Variants in NDST3 observed in about 807,000 individuals in gnomAD.
NDST3 encodes the protein bifunctional heparan sulfate N-deacetylase/N-sulfotransferase 3.
In NDST3, 58 loss-of-function variants were observed where a neutral mutation model predicts 96.1. The observed-to-expected ratio is 0.60, with a 90% CI of 0.49 to 0.75. The LOEUF is 0.75. Ranked by LOEUF, NDST3 falls within the 30% of genes least tolerant of loss-of-function variation. NDST3 has a pLI of 0.00. For synonymous variants in NDST3, 333 were observed against 359.7 expected (o/e 0.93, Z 0.84); for missense variants, 788 against 1,034.2 (o/e 0.76, Z 3.27).
At chr4:118,065,569 GTT>G (rs1034747450) in intron 2 of NDST3, among the ~76,000 whole-genome samples, 1 of 152,058 alleles carries the variant, frequency 6.6e-6, no homozygotes, top group Non-Finnish European at 1.5e-5. Flanking sequence ...ACTAGAGACT[GTT>G]TTGAAAGCCA....
intron 4 of NDST3, among the ~76,000 whole-genome samples, chr4:118,127,928 A>T (rs1325043823): frequency 6.6e-6 from 1 of 151,840 alleles, no homozygotes; most frequent in Non-Finnish European, 1.5e-5. Flanking sequence ...ATTCCTAGGT[A>T]GTTAATTTTA....
At chr4:118,088,964 A>G (rs1728653225) in intron 2 of NDST3, among the ~76,000 whole-genome samples, 1 of 151,922 alleles carries the variant, frequency 6.6e-6, no homozygotes, top group Non-Finnish European at 1.5e-5. Flanking sequence ...CTACTCAATT[A>G]AAGCAATTGA....
At chr4:118,105,164 TGC>T in intron 3 of NDST3, 59 bp downstream of exon 3, 1 of 1,327,688 alleles carries the variant, frequency 7.5e-7, no homozygotes, top group Non-Finnish European at 1.1e-6. Context: ...TATTTAAAAT[TGC>T]ACACTTTTCC....
chr4:118,181,665 T>C (rs1177799805), intron 6 of NDST3, among the ~76,000 whole-genome samples: 1 of 152,158 alleles, frequency 6.6e-6, no homozygotes, highest in African/African-American at 2.4e-5. Context: ...AATTATCAGA[T>C]TTCGGCTGGG....
At chr4:118,090,259 G>A (rs1016653211) in intron 2 of NDST3, among the ~76,000 whole-genome samples, 15 of 151,952 alleles carry the variant, frequency 9.9e-5, no homozygotes, top group Non-Finnish European at 2.1e-4. Context: ...TTCACAAAGA[G>A]GTGAATATCA....
chr4:118,109,383 A>C (rs2125857270), intron 3 of NDST3, among the ~76,000 whole-genome samples: 1 of 152,306 alleles, frequency 6.6e-6, no homozygotes, highest in South Asian at 2.1e-4. Context: ...GAAATACAAG[A>C]AAACACTCCT....
rs758805401 is a variant in NDST3 at position 118,054,247 on chromosome 4, G to T, written c.337G>T (p.Gly113Ter). 1.2e-6 allele frequency: 2 copies of T among 1,612,506 alleles called. No homozygotes were observed. The highest frequency in any genetic ancestry group is 1.7e-6 in the Non-Finnish European group (2 of 1,179,328). The change falls in exon 2 of 14, where the codon GGA (glycine) becomes TGA (stop). Residue 113 changes from glycine (G) to a stop codon, truncating the protein, a stop_gained. Transcript: ENST00000296499. LOFTEE classifies it high-confidence loss of function. ...RFQYHIEIAP[G>*]KGDLPVLIDK... is the part of the protein sequence containing the mutation. ...CCAGTATCACATTGAAATTGCCCCTGGAAAGGGAGATCTCCCAGTGCTTAT... is the reference window on the plus strand; with the variant it reads ...CCAGTATCACATTGAAATTGCCCCTTGAAAGGGAGATCTCCCAGTGCTTAT...
intron 6 of NDST3, among the ~76,000 whole-genome samples, chr4:118,160,597 T>G (rs537744045): frequency 5.7e-4 from 87 of 152,294 alleles, no homozygotes; most frequent in African/African-American, 2.1e-3. Flanking sequence ...TAGAAAAATG[T>G]AAATCGCTTC....
intron 6 of NDST3, among the ~76,000 whole-genome samples, chr4:118,164,175 A>C (rs1735391824): frequency 6.6e-6 from 1 of 152,204 alleles, no homozygotes; most frequent in Non-Finnish European, 1.5e-5. Context: ...AAAGAACAAA[A>C]TCACATCCTT....
chr4:118,112,564 A>G (rs2125861757), intron 3 of NDST3, among the ~76,000 whole-genome samples: 1 of 152,376 alleles, frequency 6.6e-6, no homozygotes, highest in Non-Finnish European at 1.5e-5. Context: ...TGGAGACTAC[A>G]AAATGTTAAG....
Position 118,143,691 on chromosome 4 carries a change from A to ACTTTAT in NDST3, c.1539+8_1539+13dup, listed in dbSNP as rs1733731856. On this transcript the variant is annotated splice_region_variant and intron_variant, in intron 6 of 13. Transcript: ENST00000296499. ...CACTGTCGTCCTCAACCCTGTAAGTACTTTATTCTCCAAATAAATAGTGAA... is the reference window on the plus strand; with the variant it reads ...CACTGTCGTCCTCAACCCTGTAAGTACTTTATCTTTATTCTCCAAATAAATAGTGAA... The ACTTTAT allele has an allele frequency of 6.4e-7, 1 of 1,573,986 alleles. No individual in the cohort carries two copies. Among genetic ancestry groups the ACTTTAT allele is most frequent in the Admixed American group, 2.1e-5 (1 of 48,006 alleles).
intron 6 of NDST3, among the ~76,000 whole-genome samples, chr4:118,170,023 G>A (rs2125936073): frequency 6.6e-6 from 1 of 152,248 alleles, no homozygotes; most frequent in Admixed American, 6.5e-5. Context: ...GCTCCATCAA[G>A]TGTTGCAGCA....
intron 6 of NDST3, among the ~76,000 whole-genome samples, chr4:118,218,707 G>A (rs779963334): frequency 1.3e-5 from 2 of 152,070 alleles, no homozygotes; most frequent in Non-Finnish European, 2.9e-5. Context: ...TCAGCCAATA[G>A]AAAGAAATAA....
intron 2 of NDST3, among the ~76,000 whole-genome samples, chr4:118,092,086 A>G (rs1162516531): frequency 7.0e-5 from 5 of 71,352 alleles, no homozygotes; most frequent in African/African-American, 1.8e-4. Context: ...ATTATATTTT[A>G]AGTTCTAGGG....
intron 6 of NDST3, among the ~76,000 whole-genome samples, chr4:118,195,570 C>A (rs1324656943): frequency 1.3e-5 from 2 of 152,186 alleles, no homozygotes; most frequent in Non-Finnish European, 2.9e-5. Context: ...TTATTAGCTG[C>A]ATGAGAACAG....
At chr4:118,082,450 T>C (rs1251671267) in intron 2 of NDST3, among the ~76,000 whole-genome samples, 1 of 152,046 alleles carries the variant, frequency 6.6e-6, no homozygotes, top group Non-Finnish European at 1.5e-5. Flanking sequence ...ATGTGAAGAG[T>C]GCCAGATGAT....
intron 6 of NDST3, among the ~76,000 whole-genome samples, chr4:118,198,799 C>A (rs1253100849): frequency 2.0e-5 from 3 of 151,124 alleles, no homozygotes; most frequent in Non-Finnish European, 4.4e-5. Flanking sequence ...ATTTTTTCTT[C>A]ATTCTTGAAG....
rs368398509 is a variant in NDST3, at chr4:118,054,801, G to A, written c.891G>A (p.Leu297=). 8 of 1,613,122 alleles carry A rather than the reference G, an allele frequency of 5.0e-6. No individual in the cohort carries two copies. In the African/African-American group the frequency reaches 1.1e-4, roughly 22 times the overall value. Residue 297 remains leucine, a synonymous_variant, in exon 2 of 14, where the codon CTG becomes CTA. Coordinates refer to ENST00000296499, the MANE Select transcript of NDST3 (RefSeq NM_004784.3). ...TCTCCTTCTTATCAGGGAAGAGGCTGACATTGTCCTTGGACAGGTACATTC... is the reference window on the plus strand; with the variant it reads ...TCTCCTTCTTATCAGGGAAGAGGCTAACATTGTCCTTGGACAGGTACATTC... ...DAISFLSGKR[L]TLSLDRYILV...
At position 118,143,632 on chromosome 4, in the gene NDST3, T is replaced by C; in HGVS notation, c.1487T>C (p.Leu496Pro). 1.2e-6 allele frequency: 2 copies of C among 1,609,602 alleles called. No homozygotes were observed. Among genetic ancestry groups the C allele is most frequent in the Non-Finnish European group, 1.7e-6 (2 of 1,178,566 alleles). Residue 496 changes from leucine (L) to proline (P), a missense_variant, in exon 6 of 14, where the codon CTG becomes CCG. By Grantham distance (98) the Leu-to-Pro change is moderately conservative. Around this residue, in one of 3 missense-constraint regions of NDST3, gnomAD observed 490 missense variants for 708.8 expected, o/e 0.69. Coordinates refer to ENST00000296499, the MANE Select transcript of NDST3 (RefSeq NM_004784.3). ...YKEYPGGPKE[L>P]DKSIQGGELF... ...GAATATCCAGGGGGTCCTAAAGAGC[T>C]GGATAAGAGTATCCAAGGAGGAGAA...
Sources: allele counts gnomAD v4.1 joint callset (sites outside exome capture counted in the v4.1 genomes callset), GRCh38; gene constraint gnomAD v4.1.1; regional missense constraint gnomAD v4.1.1; transcripts MANE v1.5; gene names NCBI Gene and HGNC (gene_info 2026-07-23, HGNC 2026-07-21).